FLI1: variants seen among roughly 807,000 people sequenced by gnomAD.
The protein encoded by FLI1 is Friend leukemia integration 1 transcription factor.
FLI1 carries 13 observed loss-of-function variants against 53.1 expected under a neutral mutation model. The observed-to-expected ratio is 0.24, with a 90% CI of 0.16 to 0.39. FLI1 has a LOEUF of 0.39. FLI1 is among the 10% of genes least tolerant of loss of function. The pLI, the probability that FLI1 is intolerant of heterozygous loss-of-function variation, is 1.00. For synonymous variants in FLI1, 244 were observed against 236.7 expected, an observed-to-expected ratio of 1.03 and a Z score of -0.28; for missense variants, 424 against 600.5, an observed-to-expected ratio of 0.71 and a Z score of 3.07.
chr11:128,751,332 T>C (rs989631203), intron 1 of FLI1, among the ~76,000 whole-genome samples: 6 of 151,632 alleles, frequency 4.0e-5, no homozygotes, highest in East Asian at 1.9e-4. Flanking sequence ...TTTCTCAGCA[T>C]TGGCCTTCAT....
chr11:128,713,798 G>A (rs1266657597), intron 1 of FLI1, among the ~76,000 whole-genome samples: 2 of 152,156 alleles, frequency 1.3e-5, no homozygotes, highest in East Asian at 1.9e-4. Context: ...GAGTCAGTAT[G>A]AAAGAGAACA....
chr11:128,751,358 CTTT>C (rs55904040), intron 1 of FLI1, among the ~76,000 whole-genome samples: 4 of 142,608 alleles, frequency 2.8e-5, no homozygotes, highest in Non-Finnish European at 3.1e-5. Flanking sequence ...TTTTTTTTAA[CTTT>C]TTTTTTTTTT....
rs1938550841 is a variant in FLI1, at chr11:128,706,494, C to CAGTAGTAGT, written c.18+12218_18+12219insAGTAGTAGT. Among the ~76,000 whole-genome samples the CAGTAGTAGT allele has an allele frequency of 1.1e-4, 17 of 152,280 alleles. No individual in the cohort carries two copies. The South Asian group carries it at 3.3e-3, about 30-fold the overall frequency. ...ACACATTGCCAACTTAGGATAGCCCCCTCCCCAGTAGTCTCAAAAAGAAAG... is the reference window on the plus strand; with the variant it reads ...ACACATTGCCAACTTAGGATAGCCCCAGTAGTAGTCTCCCCAGTAGTCTCAAAAAGAAAG... On this transcript the variant is annotated intron_variant, in intron 1 of 8. Transcript: ENST00000527786.
chr11:128,691,603 C>T (rs1937742356), upstream of FLI1: 1 of 152,240 alleles, frequency 6.6e-6, no homozygotes, highest in South Asian at 2.1e-4. Context: ...CCACTACCCC[C>T]CGCCCATCTC....
In FLI1 at chr11:128,768,117, G is replaced by T; in HGVS notation, c.231-1G>T. ...CTGGGCTTTGTCTCTTCTCACTTTA[G>T]GGAGTCTCCGGTGGACTGCAGCGTT... On this transcript the variant is annotated splice_acceptor_variant, in intron 2 of 8. Coordinates refer to ENST00000527786, the MANE Select transcript of FLI1 (RefSeq NM_002017.5). LOFTEE classifies it high-confidence loss of function. 1 of 1,609,690 alleles carries T rather than the reference G, an allele frequency of 6.2e-7. No homozygotes were observed. The highest frequency in any genetic ancestry group is 2.2e-5 in the East Asian group (1 of 44,750).
At chr11:128,686,737 C>T (rs1159503845) in intron 1 of FLI1, 1 of 320,334 alleles carries the variant, frequency 3.1e-6, no homozygotes, top group Non-Finnish European at 6.3e-6. Context: ...AGGTGATGAC[C>T]CCCAGCTTCT....
chr11:128,689,373 G>A (rs1193282720), upstream of FLI1, among the ~76,000 whole-genome samples: 1 of 152,160 alleles, frequency 6.6e-6, no homozygotes, highest in African/African-American at 2.4e-5. Context: ...CACCCCCGCA[G>A]GACTGGCAGG....
At chr11:128,731,092 T>G (rs1368916438) in intron 1 of FLI1, among the ~76,000 whole-genome samples, 1 of 152,240 alleles carries the variant, frequency 6.6e-6, no homozygotes, top group African/African-American at 2.4e-5. Context: ...ACAGCACCTT[T>G]GGATAAGTTC....
At chr11:128,757,050 TTC>T (rs1491358277) in intron 1 of FLI1, among the ~76,000 whole-genome samples, 1 of 91,230 alleles carries the variant, frequency 1.1e-5, no homozygotes, top group South Asian at 4.0e-4. Flanking sequence ...AATTTTTTCT[TTC>T]TTTCTTTCTT....
At chr11:128,777,691 C>T (rs10893918) in intron 4 of FLI1, among the ~76,000 whole-genome samples, 54,148 of 152,126 alleles carry the variant, frequency 0.36, 9,981 homozygotes, top group African/African-American at 0.44. Flanking sequence ...CCCTCCCGCT[C>T]CTGCACACTC....
chr11:128,728,683 C>A (rs1165795164), intron 1 of FLI1, among the ~76,000 whole-genome samples: 4 of 152,236 alleles, frequency 2.6e-5, no homozygotes, highest in Non-Finnish European at 2.9e-5. Context: ...GGCAAACGTT[C>A]CAGTGCGTTC....
chr11:128,804,423 A>G (rs1443407897), intron 5 of FLI1: 1 of 152,244 alleles, frequency 6.6e-6, no homozygotes, highest in Non-Finnish European at 1.5e-5. Flanking sequence ...ACCAAGAGAA[A>G]GGGAAGGAAG....
chr11:128,783,139 A>G (rs1035368055), intron 5 of FLI1, among the ~76,000 whole-genome samples: 1 of 152,188 alleles, frequency 6.6e-6, no homozygotes, highest in African/African-American at 2.4e-5. Context: ...CCCAAAATAT[A>G]TAAGAAAGGC....
chr11:128,709,668 C>T (rs752148269), intron 1 of FLI1, among the ~76,000 whole-genome samples: 1 of 152,198 alleles, frequency 6.6e-6, no homozygotes, highest in Non-Finnish European at 1.5e-5. Context: ...AAACAGAAAA[C>T]ACCAGAGAAA....
At chr11:128,778,371 C>G (rs1035081728) in intron 4 of FLI1, among the ~76,000 whole-genome samples, 1 of 152,210 alleles carries the variant, frequency 6.6e-6, no homozygotes, top group Non-Finnish European at 1.5e-5. Context: ...CCCACAACCG[C>G]TTCCTCCACA....
At chr11:128,794,842 G>A (rs976796995) in intron 5 of FLI1, among the ~76,000 whole-genome samples, 1 of 152,100 alleles carries the variant, frequency 6.6e-6, no homozygotes, top group East Asian at 1.9e-4. Context: ...TTGGGAGGTC[G>A]AGGTGGAAAG....
intron 1 of FLI1, among the ~76,000 whole-genome samples, chr11:128,703,854 A>AAC (rs1938440692): frequency 6.6e-6 from 1 of 151,074 alleles, no homozygotes; most frequent in African/African-American, 2.4e-5. Context: ...AAAAAAAAAA[A>AAC]AAAAAAAAAC....
At chr11:128,708,967 A>G (rs1190263702) in intron 1 of FLI1, among the ~76,000 whole-genome samples, 1 of 152,258 alleles carries the variant, frequency 6.6e-6, no homozygotes, top group Non-Finnish European at 1.5e-5. Flanking sequence ...TGCCTAAAAA[A>G]GGTGAGACAA....
chr11:128,777,246 G>A (rs1479902824), intron 4 of FLI1, among the ~76,000 whole-genome samples: 3 of 152,158 alleles, frequency 2.0e-5, no homozygotes, highest in Non-Finnish European at 4.4e-5. Flanking sequence ...TGGGAGCCCC[G>A]AGGCCCCGGG....
Sources: allele counts gnomAD v4.1 joint callset (sites outside exome capture counted in the v4.1 genomes callset), GRCh38; gene constraint gnomAD v4.1.1; transcripts MANE v1.5; gene names NCBI Gene and HGNC (gene_info 2026-07-23, HGNC 2026-07-21).